Variants in SYTL4 observed in about 807,000 individuals in gnomAD.
The protein encoded by SYTL4 is synaptotagmin like 4, also known as synaptotagmin-like protein 4.
SYTL4 carries 16 observed loss-of-function variants against 52.7 expected under a neutral mutation model. The observed-to-expected ratio is 0.30, with a 90% CI of 0.21 to 0.46. The LOEUF (loss-of-function observed/expected upper bound fraction) is 0.46. SYTL4 is among the 20% of genes least tolerant of loss of function. The pLI is 1.00. For missense variants in SYTL4, 423 were observed against 519.9 expected (o/e 0.81, Z 1.81); for synonymous variants, 160 against 186.6 (o/e 0.86, Z 1.16).
chrX:100,714,401 A>G (rs2084152320), intron 2 of SYTL4, among the ~76,000 whole-genome samples: 2 of 109,697 alleles, frequency 1.8e-5, no homozygotes, highest in African/African-American at 6.7e-5. Flanking sequence ...CTGGGACTAC[A>G]GGCACCCGCC....
chrX:100,686,894 C>T, intron 14 of SYTL4, 113 bp from the exon 15 acceptor site: 1 of 818,607 alleles, frequency 1.2e-6, no homozygotes, highest in Non-Finnish European at 1.8e-6. Flanking sequence ...AAAAATGTCA[C>T]CTCAAGCCCT....
intron 2 of SYTL4, among the ~76,000 whole-genome samples, chrX:100,707,248 C>A (rs1047422206): frequency 8.9e-6 from 1 of 112,124 alleles, no homozygotes; most frequent in Non-Finnish European, 1.9e-5. Flanking sequence ...CCTTCCCATA[C>A]AGACCAGTCT....
At chrX:100,709,515 A>C (rs995934163) in intron 2 of SYTL4, among the ~76,000 whole-genome samples, 1 of 111,045 alleles carries the variant, frequency 9.0e-6, no homozygotes, top group South Asian at 3.8e-4. Context: ...AAAACAAACA[A>C]ACAAAAAGCT....
intron 8 of SYTL4, among the ~76,000 whole-genome samples, chrX:100,696,013 G>C (rs1161024080): frequency 8.9e-6 from 1 of 111,889 alleles, no homozygotes; most frequent in Non-Finnish European, 1.9e-5. Flanking sequence ...GTTATTGCGT[G>C]TATCAATAGT....
Position 100,687,198 on chromosome X carries a change from G to A in SYTL4, c.1053C>T (p.Phe351=), listed in dbSNP as rs371420998. 2.5e-6 allele frequency: 3 copies of A among 1,209,682 alleles called. No homozygotes were observed. The highest frequency in any genetic ancestry group is 1.8e-5 in the African/African-American group (1 of 57,082). ...MMSIYSEAGD[F]GNIFVTGRIA... is the part of the protein sequence containing the mutation. ...TCCTGCCAGTCACAAAGATGTTCCC[G>A]AAATCACCAGCTTCACTGTAGATGC... is the stretch of plus-strand genomic sequence containing the variant. The change falls in exon 14 of 20, where the codon TTC becomes TTT. Residue 351 remains phenylalanine (F), a synonymous_variant. Coordinates refer to ENST00000372989, the MANE Select transcript of SYTL4 (RefSeq NM_001370165.1).
chrX:100,696,351 T>C (rs568550656), intron 8 of SYTL4, among the ~76,000 whole-genome samples: 1 of 112,308 alleles, frequency 8.9e-6, no homozygotes, highest in African/African-American at 3.2e-5. Flanking sequence ...GGAGGAAATG[T>C]AGAAAAGAAA....
chrX:100,728,670 C>T (rs1180778855), intron 2 of SYTL4, among the ~76,000 whole-genome samples: 1 of 111,931 alleles, frequency 8.9e-6, no homozygotes, highest in African/African-American at 3.3e-5. Context: ...CCCCTTCCTA[C>T]CAACAAGAAG....
intron 2 of SYTL4, among the ~76,000 whole-genome samples, chrX:100,714,467 G>A (rs1052347609): frequency 1.8e-5 from 2 of 111,068 alleles, no homozygotes; most frequent in East Asian, 5.6e-4. Flanking sequence ...CACCGTGTTA[G>A]CCAGGATGGT....
chrX:100,702,172 AC>A, intron 4 of SYTL4, 65 bp from the exon 5 acceptor site: 1 of 451,306 alleles, frequency 2.2e-6, no homozygotes, highest in Non-Finnish European at 3.8e-6. Flanking sequence ...ACAGCCCTAA[AC>A]CCTTTCAATA....
chrX:100,674,534 G>A lies in SYTL4; in HGVS notation c.*1494C>T, dbSNP rs1205581354. ...TTTATTAAAGCACACATACATGTCAGGGGGGTGGGAAACAAAAGAGCAAGT... is the reference window on the plus strand; with the variant it reads ...TTTATTAAAGCACACATACATGTCAAGGGGGTGGGAAACAAAAGAGCAAGT... On this transcript the variant is annotated 3_prime_UTR_variant, in exon 20 of 20. Transcript: ENST00000372989. 8.9e-6 allele frequency: 1 copy of A among 112,231 alleles called. No homozygotes were observed. Among genetic ancestry groups the A allele is most frequent in the South Asian group, 3.8e-4 (1 of 2,647 alleles). The allele number at this position is 112,231 out of a possible 1,213,427, so 9.2% of individuals were successfully genotyped here. A position where few individuals can be genotyped will look rare whatever the true frequency, so the allele number is the denominator to read the frequency against.
At chrX:100,701,808 T>C in intron 5 of SYTL4, 120 bp downstream of exon 5, 1 of 788,972 alleles carries the variant, frequency 1.3e-6, no homozygotes. Context: ...CGTGACCCAA[T>C]AAGTAGTGGT....
intron 4 of SYTL4, 83 bp from the exon 5 acceptor site, chrX:100,702,190 T>A: frequency 2.4e-6 from 1 of 424,289 alleles, no homozygotes; most frequent in Non-Finnish European, 4.1e-6. Context: ...AATAGGTTCC[T>A]TTCCCCTTGA....
chrX:100,720,384 C>A (rs912089088), intron 2 of SYTL4, among the ~76,000 whole-genome samples: 2 of 112,250 alleles, frequency 1.8e-5, no homozygotes, highest in African/African-American at 3.2e-5. Flanking sequence ...ATTTTTAAGT[C>A]CAGTGAGAGC....
At chrX:100,707,524 C>G (rs1273708704) in intron 2 of SYTL4, among the ~76,000 whole-genome samples, 1 of 111,588 alleles carries the variant, frequency 9.0e-6, no homozygotes, top group African/African-American at 3.3e-5. Flanking sequence ...ATACAGCTTT[C>G]ATATGCAATA....
intron 2 of SYTL4, among the ~76,000 whole-genome samples, chrX:100,713,467 T>G (rs79391942): frequency 3.3e-3 from 347 of 105,553 alleles, no homozygotes; most frequent in African/African-American, 0.012. Flanking sequence ...AAAACAAAAC[T>G]TAGCTGGGTG....
At chrX:100,686,367 T>C in intron 15 of SYTL4, 1 of 400,070 alleles carries the variant, frequency 2.5e-6, no homozygotes, top group Non-Finnish European at 4.2e-6. Flanking sequence ...GGAAAATTCA[T>C]TTTTTCTTAA....
intron 8 of SYTL4, among the ~76,000 whole-genome samples, chrX:100,697,592 G>A (rs2083730578): frequency 8.9e-6 from 1 of 112,014 alleles, no homozygotes; most frequent in African/African-American, 3.2e-5. Context: ...TAGGTTTCAT[G>A]TGAGTGCTTT....
intron 19 of SYTL4, 93 bp from the exon 20 acceptor site, chrX:100,676,269 C>T: frequency 2.0e-6 from 2 of 979,019 alleles, no homozygotes; most frequent in Non-Finnish European, 2.8e-6. Context: ...CACCCCATAA[C>T]AGTTTCCTAC....
rs144937818 is a variant in SYTL4, at chrX:100,696,310, G to A, written c.539+4587C>T. 4.9e-3 allele frequency among the ~76,000 whole-genome samples: 552 copies of A among 112,201 alleles called. 5 individuals are homozygous for A. Among genetic ancestry groups the A allele is most frequent in the African/African-American group, 0.017 (526 of 30,899 alleles). ...GCCATTGTACATTCCCACCAGCAGTGTATAAGAATGCTAGTTGTTTATAAT... is the reference window on the plus strand; with the variant it reads ...GCCATTGTACATTCCCACCAGCAGTATATAAGAATGCTAGTTGTTTATAAT... On this transcript the variant is annotated intron_variant, in intron 8 of 19. Coordinates refer to ENST00000372989, the MANE Select transcript of SYTL4 (RefSeq NM_001370165.1).
Sources: gnomAD v4.1 joint callset for allele counts (sites outside exome capture counted in the v4.1 genomes callset) on GRCh38, gnomAD v4.1.1 for gene constraint, MANE v1.5 for transcripts, NCBI Gene and HGNC (gene_info 2026-07-23, HGNC 2026-07-21) for gene names.